NDUFA10: variants seen among roughly 807,000 people sequenced by gnomAD.
NDUFA10 encodes NADH:ubiquinone oxidoreductase subunit A10.
In NDUFA10, 40 loss-of-function variants were observed where a neutral mutation model predicts 47.8. That is an observed-to-expected ratio of 0.84 (90% CI 0.65 to 1.09). NDUFA10 has a LOEUF of 1.09. Among genes scored for constraint, NDUFA10 ranks in the 50% least tolerant of loss-of-function variants. The pLI is 0.00. For missense variants in NDUFA10, 413 were observed against 451.1 expected (o/e 0.92, Z 0.76); for synonymous variants, 183 against 172.2 (o/e 1.06, Z -0.49).
chr2:239,915,793 T>C (rs947438089), intron 4 of NDUFA10, among the ~76,000 whole-genome samples: 11 of 134,286 alleles, frequency 8.2e-5, no homozygotes, highest in Non-Finnish European at 1.6e-4. Context: ...TAGAAATATA[T>C]AAATACAGAC....
Position 240,007,390 on chromosome 2 carries a change from G to T in NDUFA10, c.750-20C>A. On this transcript the variant is annotated intron_variant, in intron 6 of 9. Transcript: ENST00000252711. ...TTTTCACTGTAAGAAAAAACAAGAT[G>T]AAATTCAGTGTAAACTTTTCCAAGC... 1 of 1,525,200 alleles carries T rather than the reference G, an allele frequency of 6.6e-7. No homozygotes were observed. The highest frequency in any genetic ancestry group is 9.1e-7 in the Non-Finnish European group (1 of 1,099,622). The allele number at this position is 1,525,200 out of a possible 1,614,324, so 94.5% of individuals were successfully genotyped here.
In NDUFA10 at chr2:239,968,312, G is replaced by A. The variant is rs1009749893; in HGVS notation, c.1000-7126C>T. 3.9e-5 allele frequency among the ~76,000 whole-genome samples: 6 copies of A among 152,220 alleles called. No homozygotes were observed. The East Asian group carries it at 9.6e-4, about 24-fold the overall frequency. The stretch of plus-strand genomic sequence containing the variant: ...CAAATGCACGCAATGCGCAGAGCAC[G>A]GCCTCCGCTGAGCAGCGAGCACAGA... On this transcript the variant is annotated intron_variant, in intron 9 of 9. Coordinates refer to ENST00000252711, the MANE Select transcript of NDUFA10 (RefSeq NM_004544.4).
At chr2:239,933,839 A>G (rs931715759) in intron 4 of NDUFA10, among the ~76,000 whole-genome samples, 1 of 150,082 alleles carries the variant, frequency 6.7e-6, no homozygotes, top group Non-Finnish European at 1.5e-5. Context: ...TGGATCATAG[A>G]TTTGAATGAT....
chr2:239,959,747 G>T lies in NDUFA10; in HGVS notation c.*1371C>A. The T allele has an allele frequency of 1.4e-6, 1 of 697,998 alleles. No homozygotes were observed. The highest frequency in any genetic ancestry group is 1.7e-6 in the Non-Finnish European group (1 of 574,378). 43.2% of individuals were successfully genotyped at this position (697,998 alleles called of 1,614,324 possible). A position where few individuals can be genotyped will look rare whatever the true frequency, so the allele number is the denominator to read the frequency against. On this transcript the variant is annotated 3_prime_UTR_variant, in exon 10 of 10. Coordinates refer to ENST00000252711, the MANE Select transcript of NDUFA10 (RefSeq NM_004544.4). ...CAGACGGAAGGAAGGAAGAGAAGGA[G>T]GGAAGGAAAGAGGCAGGGAGGAAGG... is the stretch of plus-strand genomic sequence containing the variant.
intron 5 of NDUFA10, among the ~76,000 whole-genome samples, chr2:239,894,874 T>C (rs1016586918): frequency 3.9e-5 from 6 of 152,116 alleles, no homozygotes; most frequent in African/African-American, 1.4e-4. Context: ...TGAATATGGC[T>C]ACAGGCACGA....
intron 4 of NDUFA10, among the ~76,000 whole-genome samples, chr2:239,916,110 AACAC>A (rs1693870289): frequency 6.6e-6 from 1 of 151,628 alleles, no homozygotes; most frequent in Non-Finnish European, 1.5e-5. Context: ...AGACACAGAG[AACAC>A]ACACATACAT....
chr2:239,904,225 C>A (rs1238080428), intron 4 of NDUFA10, among the ~76,000 whole-genome samples: 1 of 152,130 alleles, frequency 6.6e-6, no homozygotes, highest in African/African-American at 2.4e-5. Flanking sequence ...AACTTCGCCC[C>A]GTACCCAACC....
At chr2:239,916,297 A>C (rs1341525761) in intron 4 of NDUFA10, among the ~76,000 whole-genome samples, 1 of 151,596 alleles carries the variant, frequency 6.6e-6, no homozygotes, top group Non-Finnish European at 1.5e-5. Context: ...ACAAATATAC[A>C]GACACACACA....
chr2:239,936,821 G>A (rs1275051753), intron 4 of NDUFA10, among the ~76,000 whole-genome samples: 2 of 152,174 alleles, frequency 1.3e-5, no homozygotes, highest in Non-Finnish European at 2.9e-5. Flanking sequence ...GGCACCGGGT[G>A]TTGCGGTGCA....
intron 4 of NDUFA10, among the ~76,000 whole-genome samples, chr2:239,905,829 TGGGAGGGGAG>T (rs546833519): frequency 0.017 from 560 of 33,548 alleles, 9 homozygotes; most frequent in Non-Finnish European, 0.018. Flanking sequence ...GGGAGCAGAC[TGGGAGGGGAG>T]GGGAGGGGAG....
chr2:239,898,980 ATGATGGAGAGGTGTGATGGAGAGGTG>A (rs1166845073), intron 4 of NDUFA10, among the ~76,000 whole-genome samples: 1 of 79,962 alleles, frequency 1.3e-5, no homozygotes, highest in Non-Finnish European at 2.8e-5. Flanking sequence ...ATGAAGAGGT[ATGATGGAGAGGTGTGATGGAGAGGTG>A]TGATGGAGGG....
chr2:239,898,912 T>G (rs990267230), intron 4 of NDUFA10, among the ~76,000 whole-genome samples: 9 of 151,230 alleles, frequency 6.0e-5, no homozygotes, highest in Non-Finnish European at 1.3e-4. Flanking sequence ...AGGGGAGTGA[T>G]GGAAGGTTGT....
intron 8 of NDUFA10, among the ~76,000 whole-genome samples, 156 bp downstream of exon 8, chr2:240,005,054 G>A (rs1439351286): frequency 3.9e-5 from 6 of 152,118 alleles, no homozygotes; most frequent in African/African-American, 1.4e-4. Context: ...TCAGACCAGG[G>A]GATTCAGGAG....
At chr2:239,985,633 C>T (rs1695968694) in intron 9 of NDUFA10, among the ~76,000 whole-genome samples, 1 of 152,042 alleles carries the variant, frequency 6.6e-6, no homozygotes, top group Admixed American at 6.5e-5. Context: ...CCAAGGCAGA[C>T]AGAAAATGTG....
intron 7 of NDUFA10, among the ~76,000 whole-genome samples, chr2:240,006,859 T>C (rs1177056707): frequency 3.9e-5 from 6 of 152,254 alleles, no homozygotes; most frequent in African/African-American, 9.6e-5. Flanking sequence ...TGTTTTTGTA[T>C]GTGAGAGGGC....
At chr2:239,979,891 C>G (rs937613557) in intron 9 of NDUFA10, among the ~76,000 whole-genome samples, 1 of 152,108 alleles carries the variant, frequency 6.6e-6, no homozygotes, top group African/African-American at 2.4e-5. Flanking sequence ...TCACCCCACC[C>G]GCATCACACC....
intron 9 of NDUFA10, chr2:239,983,381 G>A: frequency 1.5e-6 from 2 of 1,375,438 alleles, no homozygotes; most frequent in Non-Finnish European, 1.9e-6. Context: ...TGTCTCTGAT[G>A]GACAAAAGGA....
chr2:239,999,626 C>T (rs998054242), intron 8 of NDUFA10, among the ~76,000 whole-genome samples: 1 of 152,214 alleles, frequency 6.6e-6, no homozygotes, highest in African/African-American at 2.4e-5. Flanking sequence ...CCTGTTGCTT[C>T]CCTCAACCCT....
Position 239,961,097 on chromosome 2 carries a change from C to G in NDUFA10, c.*21G>C, listed in dbSNP as rs377448595. ...CAGCTTGGCCATCACTGTGATGCAGCTGGAGCAGAAGGCGGCCCGTTCACT... is the reference window on the plus strand; with the variant it reads ...CAGCTTGGCCATCACTGTGATGCAGGTGGAGCAGAAGGCGGCCCGTTCACT... On this transcript the variant is annotated 3_prime_UTR_variant, in exon 10 of 10. Coordinates refer to ENST00000252711, the MANE Select transcript of NDUFA10 (RefSeq NM_004544.4). 8 of 1,613,928 alleles carry G rather than the reference C, an allele frequency of 5.0e-6. No homozygotes were observed. The highest frequency in any genetic ancestry group is 6.8e-6 in the Non-Finnish European group (8 of 1,179,982).
Sources: gnomAD v4.1 joint callset for allele counts (sites outside exome capture counted in the v4.1 genomes callset) on GRCh38, gnomAD v4.1.1 for gene constraint, MANE v1.5 for transcripts, NCBI Gene and HGNC (gene_info 2026-07-23, HGNC 2026-07-21) for gene names.